WWOX: variants seen among roughly 807,000 people sequenced by gnomAD.
WWOX encodes the protein WW domain-containing oxidoreductase.
Under a neutral mutation model 46.2 loss-of-function variants are expected in WWOX, and 69 were observed. That is an observed-to-expected ratio of 1.49 (90% CI 1.23 to 1.82). The LOEUF is 1.82. Among genes scored for constraint, WWOX ranks in the 40% most tolerant of loss-of-function variants. The probability of loss-of-function intolerance (pLI) is 0.00; values close to 1 mark genes in which losing one functional copy is unlikely to be tolerated. For missense variants in WWOX, 919 were observed against 542.6 expected (o/e 1.69, Z -6.89); for synonymous variants, 359 against 202.6 (o/e 1.77, Z -6.56).
chr16:78,164,254 G>A lies in WWOX; in HGVS notation c.481G>A (p.Ala161Thr), dbSNP rs779724017. 45 of 1,613,998 alleles carry A rather than the reference G, an allele frequency of 2.8e-5. No homozygotes were observed. The highest frequency in any genetic ancestry group is 3.8e-5 in the Non-Finnish European group (45 of 1,179,990). Residue 161 changes from alanine to threonine, a missense_variant, in exon 5 of 9, where the codon GCG becomes ACG. Coordinates refer to ENST00000566780, the MANE Select transcript of WWOX (RefSeq NM_016373.4). ...VILACRNMAR[A>T]SEAVSRILEE... ...CTTGGCCTGCAGGAACATGGCAAGG[G>A]CGAGTGAAGCAGTGTCACGCATTTT...
intron 8 of WWOX, among the ~76,000 whole-genome samples, chr16:79,138,104 C>T (rs1268358638): frequency 6.6e-6 from 1 of 152,182 alleles, no homozygotes; most frequent in Non-Finnish European, 1.5e-5. Context: ...TGATCCACAG[C>T]AGGGGCCACA....
intron 8 of WWOX, among the ~76,000 whole-genome samples, chr16:79,210,760 C>A (rs2051705204): frequency 6.6e-6 from 1 of 152,084 alleles, no homozygotes; most frequent in African/African-American, 2.4e-5. Flanking sequence ...TTTATAGCAT[C>A]CCTGACAGTA....
At chr16:78,811,670 C>T (rs139621593) in intron 8 of WWOX, among the ~76,000 whole-genome samples, 111 of 152,154 alleles carry the variant, frequency 7.3e-4, no homozygotes, top group South Asian at 1.0e-3. Context: ...CATGCCCAGC[C>T]CCCTTGTCCT....
intron 4 of WWOX, among the ~76,000 whole-genome samples, chr16:78,139,615 A>T (rs1166163485): frequency 6.6e-6 from 1 of 152,236 alleles, no homozygotes; most frequent in Non-Finnish European, 1.5e-5. Flanking sequence ...ACTGCACTCC[A>T]GCCCAGGCGA....
At chr16:78,693,023 A>G (rs905794546) in intron 8 of WWOX, among the ~76,000 whole-genome samples, 5 of 152,336 alleles carry the variant, frequency 3.3e-5, no homozygotes, top group African/African-American at 7.2e-5. Flanking sequence ...AAGCCCAACC[A>G]TATGGACATC....
At chr16:78,191,351 G>C (rs6564515) in intron 5 of WWOX, among the ~76,000 whole-genome samples, 1 of 151,952 alleles carries the variant, frequency 6.6e-6, no homozygotes, top group Non-Finnish European at 1.5e-5. Flanking sequence ...ACAAGGCTTG[G>C]GAATTTTTCT....
intron 8 of WWOX, among the ~76,000 whole-genome samples, chr16:78,479,265 A>G (rs2084430891): frequency 6.6e-6 from 1 of 152,236 alleles, no homozygotes; most frequent in East Asian, 1.9e-4. Flanking sequence ...GACAGTAAGG[A>G]TATGGATATG....
Position 79,089,105 on chromosome 16 carries a change from C to T in WWOX, c.1057-122503C>T, listed in dbSNP as rs556910123. On this transcript the variant is annotated intron_variant, in intron 8 of 8. Transcript: ENST00000566780. ...CAGTTCGTGTGCTGTACCAAGGGTG[C>T]GAATGTGACTTTTCATCAGGAAGGC... Among the ~76,000 whole-genome samples the T allele has an allele frequency of 7.2e-5, 11 of 152,120 alleles. No individual in the cohort carries two copies. The South Asian group carries it at 8.3e-4, about 11-fold the overall frequency.
At chr16:78,386,811 A>C in intron 5 of WWOX, 49 bp from the exon 6 acceptor site, 1 of 1,524,686 alleles carries the variant, frequency 6.6e-7, no homozygotes. Context: ...GATACCATGA[A>C]CTACACTTGC....
At chr16:78,594,429 G>GCACCCCCCC (rs2045429261) in intron 8 of WWOX, among the ~76,000 whole-genome samples, 1 of 32,380 alleles carries the variant, frequency 3.1e-5, no homozygotes, top group Non-Finnish European at 5.2e-5. Flanking sequence ...CTGAGGAAAG[G>GCACCCCCCC]CCCCCCCCCC....
At chr16:78,414,313 C>T (rs2082749164) in intron 6 of WWOX, among the ~76,000 whole-genome samples, 1 of 152,170 alleles carries the variant, frequency 6.6e-6, no homozygotes, top group South Asian at 2.1e-4. Context: ...TTGGTGGTCT[C>T]TTCACATGGA....
intron 8 of WWOX, among the ~76,000 whole-genome samples, chr16:78,623,795 A>G (rs1305924926): frequency 1.3e-5 from 2 of 152,114 alleles, no homozygotes; most frequent in Non-Finnish European, 2.9e-5. Flanking sequence ...ATTTTCCACT[A>G]TGAATGAAGA....
At chr16:78,318,081 C>T (rs557512103) in intron 5 of WWOX, among the ~76,000 whole-genome samples, 1 of 152,056 alleles carries the variant, frequency 6.6e-6, no homozygotes, top group Non-Finnish European at 1.5e-5. Context: ...TAACAATATC[C>T]TTTTAGAGAA....
intron 5 of WWOX, among the ~76,000 whole-genome samples, chr16:78,366,644 C>G (rs1161720454): frequency 6.6e-6 from 1 of 152,182 alleles, no homozygotes; most frequent in Non-Finnish European, 1.5e-5. Flanking sequence ...TAATTTATAT[C>G]TCGTCTGTTG....
rs1405881774 is a variant in WWOX at position 78,887,348 on chromosome 16, C to G, written c.1057-324260C>G. ...ATCTGTTGTAGCTTTTCTTTCCCCT[C>G]TCTCCCAACTCCCCACGTTTTGGAA... is the stretch of plus-strand genomic sequence containing the variant. On this transcript the variant is annotated intron_variant, in intron 8 of 8. Coordinates refer to ENST00000566780, the MANE Select transcript of WWOX (RefSeq NM_016373.4). 2.0e-5 allele frequency among the ~76,000 whole-genome samples: 3 copies of G among 151,926 alleles called. No individual in the cohort carries two copies. The South Asian group carries it at 6.2e-4, about 32-fold the overall frequency.
intron 8 of WWOX, among the ~76,000 whole-genome samples, chr16:78,936,524 C>G (rs2045741228): frequency 6.6e-6 from 1 of 152,064 alleles, no homozygotes; most frequent in African/African-American, 2.4e-5. Flanking sequence ...AAAACTCATG[C>G]CAGTGGTAAA....
chr16:78,892,188 C>G (rs774407705), intron 8 of WWOX: 1 of 151,900 alleles, frequency 6.6e-6, no homozygotes, highest in Non-Finnish European at 1.5e-5. Context: ...AAATTGCATA[C>G]GAAATTCAAG....
intron 5 of WWOX, among the ~76,000 whole-genome samples, chr16:78,203,815 C>G (rs190489490): frequency 2.0e-5 from 3 of 152,206 alleles, no homozygotes; most frequent in Non-Finnish European, 2.9e-5. Context: ...ACAGATGAAT[C>G]ACATTTTACT....
At chr16:79,072,821 C>G (rs779313152) in intron 8 of WWOX, among the ~76,000 whole-genome samples, 5 of 152,116 alleles carry the variant, frequency 3.3e-5, no homozygotes, top group Non-Finnish European at 7.4e-5. Flanking sequence ...TCTTTGATTT[C>G]TTATTTTCAA....
Sources: gnomAD v4.1 joint callset for allele counts (sites outside exome capture counted in the v4.1 genomes callset) on GRCh38, gnomAD v4.1.1 for gene constraint, MANE v1.5 for transcripts, NCBI Gene and HGNC (gene_info 2026-07-23, HGNC 2026-07-21) for gene names.